UNC5C: variants seen among roughly 807,000 people sequenced by gnomAD.
UNC5C encodes the protein unc-5 netrin receptor C.
A neutral mutation model predicts 99.8 loss-of-function variants in UNC5C; 47 were observed. That is an observed-to-expected ratio of 0.47 (90% CI 0.37 to 0.60). The LOEUF is 0.60. UNC5C is among the 20% of genes least tolerant of loss of function. The pLI is 0.00. For missense variants in UNC5C, 1,062 were observed against 1,165.9 expected (o/e 0.91, Z 1.30); for synonymous variants, 487 against 452.2 (o/e 1.08, Z -0.98).
At chr4:95,358,940 G>T (rs1053568535) in intron 1 of UNC5C, among the ~76,000 whole-genome samples, 1 of 152,168 alleles carries the variant, frequency 6.6e-6, no homozygotes, top group Non-Finnish European at 1.5e-5. Context: ...GTAGAAGTCT[G>T]CAGATAAATA....
intron 7 of UNC5C, among the ~76,000 whole-genome samples, chr4:95,227,135 C>A (rs954261483): frequency 3.1e-5 from 4 of 128,430 alleles, no homozygotes; most frequent in Non-Finnish European, 6.4e-5. Context: ...CACTTTAAAA[C>A]AATGTTTTTT....
At chr4:95,298,260 T>C (rs1579305602) in intron 3 of UNC5C, among the ~76,000 whole-genome samples, 2 of 152,254 alleles carry the variant, frequency 1.3e-5, no homozygotes, top group Non-Finnish European at 2.9e-5. Context: ...TGCAATGAGC[T>C]GTGTTTGCGC....
chr4:95,369,709 C>G (rs1205391315), intron 1 of UNC5C, among the ~76,000 whole-genome samples: 2 of 151,998 alleles, frequency 1.3e-5, no homozygotes, highest in African/African-American at 4.8e-5. Flanking sequence ...ATACCGTTAT[C>G]AATGGTCCAA....
intron 7 of UNC5C, among the ~76,000 whole-genome samples, chr4:95,225,160 G>A (rs1014374179): frequency 2.6e-5 from 4 of 152,130 alleles, no homozygotes; most frequent in Non-Finnish European, 4.4e-5. Context: ...GGGTTCAAGC[G>A]ATTCTCCTGT....
At chr4:95,501,726 C>T (rs1721780196) in intron 1 of UNC5C, among the ~76,000 whole-genome samples, 2 of 151,902 alleles carry the variant, frequency 1.3e-5, no homozygotes, top group African/African-American at 4.8e-5. Context: ...ACATATAAAC[C>T]CAAGGATTCT....
intron 14 of UNC5C, among the ~76,000 whole-genome samples, chr4:95,179,108 T>TATG (rs1736494405): frequency 3.3e-5 from 5 of 152,202 alleles, no homozygotes; most frequent in Admixed American, 3.3e-4. Flanking sequence ...TATGTAAACA[T>TATG]ATGATTTTTC....
chr4:95,192,291 ACCT>A (rs1665789637), intron 12 of UNC5C, among the ~76,000 whole-genome samples: 1 of 24,450 alleles, frequency 4.1e-5, no homozygotes, highest in African/African-American at 1.9e-4. Flanking sequence ...ACCTCTTCTC[ACCT>A]CCTCCCCTTC....
intron 12 of UNC5C, 128 bp downstream of exon 12, chr4:95,202,603 T>C: frequency 1.1e-6 from 1 of 870,602 alleles, no homozygotes; most frequent in South Asian, 1.7e-5. Context: ...AGTGCATCCT[T>C]TTGGGCCAAA....
rs1735869163 is a variant in UNC5C at position 95,166,705 on chromosome 4, A to G, written c.*2529T>C. 1 of 152,142 alleles carries G rather than the reference A, an allele frequency of 6.6e-6. No homozygotes were observed. 9.4% of individuals were successfully genotyped at this position (152,142 alleles called of 1,614,324 possible). Reference sequence around the variant, plus strand: ...AGATTCTAGTTCTTGATTTCCATAGATGATTCCACAACCCTGGTACTGATG... The same window carrying G: ...AGATTCTAGTTCTTGATTTCCATAGGTGATTCCACAACCCTGGTACTGATG... On this transcript the variant is annotated 3_prime_UTR_variant, in exon 16 of 16. Transcript: ENST00000453304.
At chr4:95,405,573 G>T (rs568562984) in intron 1 of UNC5C, among the ~76,000 whole-genome samples, 1 of 152,114 alleles carries the variant, frequency 6.6e-6, no homozygotes, top group Non-Finnish European at 1.5e-5. Flanking sequence ...TATATTAAGC[G>T]CAAAGAAAAT....
chr4:95,475,352 T>C (rs1223997364), intron 1 of UNC5C, among the ~76,000 whole-genome samples: 1 of 151,966 alleles, frequency 6.6e-6, no homozygotes, highest in Non-Finnish European at 1.5e-5. Context: ...ATTGGGAAAT[T>C]GAAGTTGCTT....
At chr4:95,398,602 ACTAGG>A (rs2149447609) in intron 1 of UNC5C, among the ~76,000 whole-genome samples, 1 of 152,302 alleles carries the variant, frequency 6.6e-6, no homozygotes, top group Non-Finnish European at 1.5e-5. Flanking sequence ...CATTTTAATT[ACTAGG>A]TTAGACAAAG....
intron 1 of UNC5C, among the ~76,000 whole-genome samples, chr4:95,496,774 G>A (rs923108919): frequency 6.6e-6 from 1 of 151,514 alleles, no homozygotes; most frequent in Non-Finnish European, 1.5e-5. Flanking sequence ...TGAGATTTTG[G>A]TGCACCTACC....
chr4:95,431,425 C>T (rs1334643785), intron 1 of UNC5C, among the ~76,000 whole-genome samples: 1 of 152,000 alleles, frequency 6.6e-6, no homozygotes, highest in Non-Finnish European at 1.5e-5. Context: ...CAGCTAATAC[C>T]TATGTATTCT....
chr4:95,372,989 C>T (rs1026426524), intron 1 of UNC5C, among the ~76,000 whole-genome samples: 31 of 152,272 alleles, frequency 2.0e-4, no homozygotes, highest in African/African-American at 7.0e-4. Flanking sequence ...GCCAGCACTC[C>T]TTGAAGCTAG....
At position 95,545,772 on chromosome 4, in the gene UNC5C, G is replaced by GCGCA. The variant is rs6148582; in HGVS notation, c.124+2961_124+2962insTGCG. On this transcript the variant is annotated intron_variant, in intron 1 of 15. Coordinates refer to ENST00000453304, the MANE Select transcript of UNC5C (RefSeq NM_003728.4). Reference sequence around the variant, plus strand: ...TGATCTCACACACACGCGCGCGCGCGCACACACACACACACACACACACTG... The same window carrying GCGCA: ...TGATCTCACACACACGCGCGCGCGCGCGCACACACACACACACACACACACACTG... Among the ~76,000 whole-genome samples, 187 of 148,394 alleles carry GCGCA rather than the reference G, an allele frequency of 1.3e-3. 1 individual carries two copies. The highest frequency in any genetic ancestry group is 3.9e-3 in the African/African-American group (158 of 40,740).
At chr4:95,437,680 G>A (rs1238208755) in intron 1 of UNC5C, among the ~76,000 whole-genome samples, 1 of 151,996 alleles carries the variant, frequency 6.6e-6, no homozygotes, top group East Asian at 1.9e-4. Flanking sequence ...TTGCAACTCT[G>A]CAAATTTGCA....
intron 4 of UNC5C, among the ~76,000 whole-genome samples, chr4:95,259,674 A>G (rs773660648): frequency 1.1e-4 from 17 of 152,208 alleles, no homozygotes; most frequent in Admixed American, 1.3e-4. Flanking sequence ...ATTAATCTTC[A>G]TAAAAATTAT....
At chr4:95,532,444 A>G (rs1313866506) in intron 1 of UNC5C, among the ~76,000 whole-genome samples, 2 of 121,090 alleles carry the variant, frequency 1.7e-5, no homozygotes, top group African/African-American at 7.2e-5. Context: ...TTCACCCAAC[A>G]TCATTAAAAA....
Sources: allele counts gnomAD v4.1 joint callset (sites outside exome capture counted in the v4.1 genomes callset), GRCh38; gene constraint gnomAD v4.1.1; transcripts MANE v1.5; gene names NCBI Gene and HGNC (gene_info 2026-07-23, HGNC 2026-07-21).